The following HYCC2 variants were observed in gnomAD, a reference collection of about 807,000 sequenced individuals.
HYCC2 encodes the protein hyccin 2.
chr2:201,009,657 G>A, the HYCC2 span, among the ~76,000 whole-genome samples: 11 of 151,996 alleles, frequency 7.2e-5, no homozygotes, highest in Admixed American at 3.3e-4. Flanking sequence ...ACGCGGTTTC[G>A]CCATGTTGGC....
At chr2:201,017,244 A>C in the HYCC2 span, 1 of 1,044,330 alleles carries the variant, frequency 9.6e-7, no homozygotes, top group Non-Finnish European at 1.4e-6. Context: ...TTTTTAAGGC[A>C]CCTATATCTG....
the HYCC2 span, chr2:200,981,204 T>C: frequency 6.5e-7 from 1 of 1,535,108 alleles, no homozygotes. This position sits in a 1 kb window ranked among gnomAD's most constrained non-coding sequence, Gnocchi z 4.5. Flanking sequence ...TGGGATGAAG[T>C]GTCTTCTTGC....
At chr2:201,052,235 T>A in the HYCC2 span, 2 of 152,732 alleles carry the variant, frequency 1.3e-5, no homozygotes, top group Non-Finnish European at 2.9e-5. Context: ...GAGGCGAGGC[T>A]GCAGTGAGCC....
chr2:201,003,664 G>A, the HYCC2 span, among the ~76,000 whole-genome samples: 10 of 150,018 alleles, frequency 6.7e-5, no homozygotes, highest in East Asian at 2.0e-4. Flanking sequence ...AGCAGAGATC[G>A]CGCCACTGCA....
At chr2:200,992,395 C>A in the HYCC2 span, 1 of 1,401,020 alleles carries the variant, frequency 7.1e-7, no homozygotes, top group South Asian at 1.2e-5. Flanking sequence ...CATTTATACT[C>A]TTGAGCAAAT....
chr2:201,044,971 A>G, the HYCC2 span, among the ~76,000 whole-genome samples: 156 of 152,366 alleles, frequency 1.0e-3, no homozygotes, highest in Middle Eastern at 3.4e-3. Flanking sequence ...TCAGGACAAC[A>G]TATGAAATAG....
chr2:201,022,887 G>A, the HYCC2 span: 65 of 1,613,046 alleles, frequency 4.0e-5, no homozygotes, highest in African/African-American at 2.5e-4. Flanking sequence ...GTTTTTTTCC[G>A]GTGTAAAGTT....
chr2:200,997,742 T>TA, the HYCC2 span, among the ~76,000 whole-genome samples: 2 of 152,128 alleles, frequency 1.3e-5, no homozygotes. Flanking sequence ...TTTCCGTTTT[T>TA]AAAAAATAAA....
chr2:200,990,931 C>A, the HYCC2 span, among the ~76,000 whole-genome samples: 2 of 151,790 alleles, frequency 1.3e-5, no homozygotes, highest in African/African-American at 4.8e-5. Flanking sequence ...TGGTCTTGAA[C>A]TTGTGGCCTC....
At chr2:201,069,731 CAAAG>C in the HYCC2 span, among the ~76,000 whole-genome samples, 1 of 151,916 alleles carries the variant, frequency 6.6e-6, no homozygotes, top group East Asian at 1.9e-4. Context: ...GGAGAAAAGA[CAAAG>C]AACAAAACAC....
At chr2:200,992,138 ATT>A in the HYCC2 span, 1 of 580,454 alleles carries the variant, frequency 1.7e-6, no homozygotes, top group Non-Finnish European at 3.1e-6. Context: ...ACCTAAACCT[ATT>A]TTGTTTTTTC....
the HYCC2 span, among the ~76,000 whole-genome samples, chr2:201,032,494 C>T: frequency 2.0e-5 from 3 of 152,102 alleles, no homozygotes; most frequent in East Asian, 5.8e-4. Flanking sequence ...CACAGCACTG[C>T]TCTTTCTTAA....
the HYCC2 span, among the ~76,000 whole-genome samples, chr2:201,010,375 CT>C: frequency 2.0e-5 from 3 of 152,154 alleles, no homozygotes; most frequent in Non-Finnish European, 2.9e-5. Context: ...AATTTTTAGA[CT>C]ACTAGTAAAG....
the HYCC2 span, among the ~76,000 whole-genome samples, chr2:201,025,574 T>C: frequency 3.3e-5 from 5 of 152,082 alleles, no homozygotes; most frequent in Non-Finnish European, 7.4e-5. Context: ...AGTTGAGATA[T>C]CAAAGATCTA....
chr2:201,010,190 A>G, the HYCC2 span, among the ~76,000 whole-genome samples: 2 of 152,120 alleles, frequency 1.3e-5, no homozygotes, highest in African/African-American at 4.8e-5. Context: ...GATACACACA[A>G]CTTAATTAAA....
At chr2:201,002,588 C>T in the HYCC2 span, among the ~76,000 whole-genome samples, 7 of 150,946 alleles carry the variant, frequency 4.6e-5, no homozygotes, top group South Asian at 2.1e-4. Context: ...TGCAGTGGCG[C>T]GATCTTGGCT....
chr2:201,024,247 T>A, the HYCC2 span, among the ~76,000 whole-genome samples: 1 of 152,170 alleles, frequency 6.6e-6, no homozygotes, highest in African/African-American at 2.4e-5. Flanking sequence ...CTCAACACTT[T>A]GGGAAGCCGA....
At chr2:201,020,359 GAA>G in the HYCC2 span, among the ~76,000 whole-genome samples, 1 of 152,086 alleles carries the variant, frequency 6.6e-6, no homozygotes, top group African/African-American at 2.4e-5. Flanking sequence ...ATGGAATAAT[GAA>G]CAAGCCTAAC....
the HYCC2 span, among the ~76,000 whole-genome samples, chr2:201,014,485 C>A: frequency 6.6e-6 from 1 of 152,116 alleles, no homozygotes; most frequent in Non-Finnish European, 1.5e-5. Flanking sequence ...ATAATGAATT[C>A]TTCAAGTTGT....
Sources: gnomAD v4.1 joint callset for allele counts (sites outside exome capture counted in the v4.1 genomes callset) on GRCh38, gnomAD v4.1.1 for gene constraint, Gnocchi (gnomAD v3.1) non-coding constraint, MANE v1.5 for transcripts, NCBI Gene and HGNC (gene_info 2026-07-23, HGNC 2026-07-21) for gene names.